Variants in EFR3A observed in about 807,000 individuals in gnomAD.
EFR3A encodes the protein EFR3 homolog A, also known as protein EFR3 homolog A.
EFR3A carries 76 observed loss-of-function variants against 104.4 expected under a neutral mutation model. The observed-to-expected ratio is 0.73, with a 90% confidence interval of 0.60 to 0.88. EFR3A has a LOEUF of 0.88. Among genes scored for constraint, EFR3A ranks in the 40% least tolerant of loss-of-function variants. The probability of loss-of-function intolerance (pLI) is 0.00; values close to 1 mark genes in which losing one functional copy is unlikely to be tolerated. For synonymous variants in EFR3A, 330 were observed against 330.0 expected (o/e 1.00, Z 0.00); for missense variants, 985 against 1,012.5 (o/e 0.97, Z 0.37).
chr8:131,935,957 C>G (rs1297608743), intron 1 of EFR3A, among the ~76,000 whole-genome samples: 1 of 151,832 alleles, frequency 6.6e-6, no homozygotes, highest in African/African-American at 2.4e-5. Flanking sequence ...AGTGGTCAAC[C>G]AACCACTTAC....
intron 14 of EFR3A, among the ~76,000 whole-genome samples, chr8:131,983,810 A>G (rs2130750730): frequency 6.6e-6 from 1 of 152,094 alleles, no homozygotes; most frequent in Non-Finnish European, 1.5e-5. Context: ...TCTGCCATCC[A>G]TTTCACTTTT....
intron 19 of EFR3A, among the ~76,000 whole-genome samples, chr8:131,997,206 A>T (rs1821540313): frequency 6.6e-6 from 1 of 152,124 alleles, no homozygotes; most frequent in South Asian, 2.1e-4. Flanking sequence ...CCAAAATGCC[A>T]GCATGTCAAG....
intron 22 of EFR3A, among the ~76,000 whole-genome samples, chr8:132,008,110 C>T (rs80224029): frequency 0.041 from 6,294 of 152,038 alleles, 315 homozygotes; most frequent in East Asian, 0.12. Flanking sequence ...AAATTAAAAA[C>T]TTACCATTAA....
At chr8:131,936,407 T>G (rs904677989) in intron 1 of EFR3A, among the ~76,000 whole-genome samples, 13 of 152,112 alleles carry the variant, frequency 8.5e-5, no homozygotes, top group Non-Finnish European at 1.9e-4. Context: ...AATTCAGTTC[T>G]TAGCAATATT....
Position 131,904,323 on chromosome 8 carries a change from G to T in EFR3A, c.10+1G>T. 1 of 1,256,600 alleles carries T rather than the reference G, an allele frequency of 8.0e-7. No homozygotes were observed. Among genetic ancestry groups the T allele is most frequent in the Non-Finnish European group, 1.0e-6 (1 of 999,776 alleles). 77.8% of individuals were successfully genotyped at this position (1,256,600 alleles called of 1,614,324 possible). On this transcript the variant is annotated splice_donor_variant, in intron 1 of 22. Transcript: ENST00000254624. LOFTEE classifies it high-confidence loss of function. ...GCGGTCGAGATCGCCATGCCTACCC[G>T]TGAGTGGCCGGCCGAGGGCCGGGGG...
At chr8:131,976,275 T>TA in intron 11 of EFR3A, 134 bp downstream of exon 11, 1 of 643,110 alleles carries the variant, frequency 1.6e-6, no homozygotes, top group South Asian at 1.9e-5. Flanking sequence ...CAGTTAGTAT[T>TA]ATTATGACAG....
chr8:131,985,793 C>T (rs984504817), intron 16 of EFR3A, among the ~76,000 whole-genome samples: 3 of 152,132 alleles, frequency 2.0e-5, no homozygotes, highest in African/African-American at 7.2e-5. Context: ...AGGAGCCAGT[C>T]CACACAAGTG....
At position 131,971,395 on chromosome 8, in the gene EFR3A, T is replaced by G. The variant is rs959516638; in HGVS notation, c.1159+752T>G. Reference sequence around the variant, plus strand: ...TCTTCATTTGGTTTTGTATGGTGTTTCCTTGTGATTAGGCCGTGCGCGGTG... The same window carrying G: ...TCTTCATTTGGTTTTGTATGGTGTTGCCTTGTGATTAGGCCGTGCGCGGTG... On this transcript the variant is annotated intron_variant, in intron 10 of 22. Transcript: ENST00000254624. 1.1e-4 allele frequency among the ~76,000 whole-genome samples: 16 copies of G among 152,282 alleles called. No homozygotes were observed. The East Asian group carries it at 2.9e-3, about 28-fold the overall frequency.
intron 1 of EFR3A, among the ~76,000 whole-genome samples, chr8:131,911,639 A>G (rs1465859885): frequency 6.6e-6 from 1 of 152,198 alleles, no homozygotes; most frequent in Non-Finnish European, 1.5e-5. Context: ...TATGTAACGT[A>G]TATATGCACA....
chr8:131,996,464 T>C lies in EFR3A; in HGVS notation c.2124T>C (p.Asp708=), dbSNP rs1055997019. The change falls in exon 19 of 23, where the codon GAT becomes GAC. Residue 708 remains aspartate, a synonymous_variant. Coordinates refer to ENST00000254624, the MANE Select transcript of EFR3A (RefSeq NM_015137.6). ...SIVDTVSIQV[D]ILSNNVPSDD... is the part of the protein sequence containing the mutation. ...TGGACACCGTATCCATTCAGGTGGA[T>C]ATTTTATCCAACAATGTTCCTTCTG... 2 of 1,602,854 alleles carry C rather than the reference T, an allele frequency of 1.2e-6. No homozygotes were observed. Among genetic ancestry groups the C allele is most frequent in the East Asian group, 2.2e-5 (1 of 44,466 alleles).
chr8:131,988,148 A>AT (rs992853238), intron 18 of EFR3A, among the ~76,000 whole-genome samples: 1 of 149,760 alleles, frequency 6.7e-6, no homozygotes, highest in Non-Finnish European at 1.5e-5. Flanking sequence ...TGAGTTAGGA[A>AT]TTTTTTTTTC....
In EFR3A at chr8:132,012,856, G is replaced by T. The variant is rs949880105; in HGVS notation, c.*1961G>T. 6.6e-6 allele frequency: 1 copy of T among 152,246 alleles called. No individual in the cohort carries two copies. 9.4% of individuals were successfully genotyped at this position (152,246 alleles called of 1,614,324 possible). On this transcript the variant is annotated 3_prime_UTR_variant, in exon 23 of 23. Coordinates refer to ENST00000254624, the MANE Select transcript of EFR3A (RefSeq NM_015137.6). ...GTTTCTTAGTGATTTTAAAATGCAT[G>T]TATTGCATGTAAAGGAAAACCATTA...
intron 8 of EFR3A, among the ~76,000 whole-genome samples, chr8:131,966,049 T>C (rs1336117537): frequency 6.6e-6 from 1 of 151,496 alleles, no homozygotes; most frequent in Non-Finnish European, 1.5e-5. Context: ...CATCACACAC[T>C]GGGGCCTGTT....
Position 131,985,151 on chromosome 8 carries a change from C to T in EFR3A, c.1869+91C>T, listed in dbSNP as rs140531518. 20 of 1,275,612 alleles carry T rather than the reference C, an allele frequency of 1.6e-5. No homozygotes were observed. The East Asian group carries it at 1.9e-4, about 12-fold the overall frequency. The allele number at this position is 1,275,612 out of a possible 1,614,324, so 79.0% of individuals were successfully genotyped here. On this transcript the variant is annotated intron_variant, in intron 16 of 22. Coordinates refer to ENST00000254624, the MANE Select transcript of EFR3A (RefSeq NM_015137.6). Reference sequence around the variant, plus strand: ...TGATTATTTTTAACTTTGGTGATTACGTATCAAATTAAGGTAATTCTATAA... The same window carrying T: ...TGATTATTTTTAACTTTGGTGATTATGTATCAAATTAAGGTAATTCTATAA...
At chr8:131,975,686 G>A (rs539594177) in intron 10 of EFR3A, among the ~76,000 whole-genome samples, 1 of 152,036 alleles carries the variant, frequency 6.6e-6, no homozygotes, top group African/African-American at 2.4e-5. Flanking sequence ...AAAGTGTTGG[G>A]ATTATGGGCA....
intron 22 of EFR3A, among the ~76,000 whole-genome samples, chr8:132,004,573 G>A (rs759925253): frequency 1.3e-5 from 2 of 152,178 alleles, no homozygotes; most frequent in Non-Finnish European, 2.9e-5. Context: ...AAAGGTCGGC[G>A]ACTGTTGTGC....
At chr8:132,007,196 C>A (rs1419703016) in intron 22 of EFR3A, among the ~76,000 whole-genome samples, 2 of 151,690 alleles carry the variant, frequency 1.3e-5, no homozygotes, top group Admixed American at 6.6e-5. Context: ...ATAAAACTAT[C>A]TTTTCACAGA....
chr8:131,987,881 G>GT (rs989363175), intron 18 of EFR3A, among the ~76,000 whole-genome samples, 179 bp downstream of exon 18: 3 of 152,066 alleles, frequency 2.0e-5, no homozygotes, highest in Non-Finnish European at 4.4e-5. Context: ...AAAACCTTCA[G>GT]TAAATCTCTA....
At chr8:131,946,088 C>T (rs1455691403) in intron 3 of EFR3A, among the ~76,000 whole-genome samples, 1 of 151,818 alleles carries the variant, frequency 6.6e-6, no homozygotes. Context: ...TTTATCTACT[C>T]ATATTTAGAC....
Sources: allele counts gnomAD v4.1 joint callset (sites outside exome capture counted in the v4.1 genomes callset), GRCh38; gene constraint gnomAD v4.1.1; transcripts MANE v1.5; gene names NCBI Gene and HGNC (gene_info 2026-07-23, HGNC 2026-07-21).